The following RBM19 variants were observed in gnomAD, a reference collection of about 807,000 sequenced individuals.
RBM19 encodes the protein probable RNA-binding protein 19.
Under a neutral mutation model 116.8 loss-of-function variants are expected in RBM19, and 94 were observed. That is an observed-to-expected ratio of 0.80 (90% CI 0.68 to 0.95). The LOEUF (loss-of-function observed/expected upper bound fraction) is 0.95. RBM19 is among the 40% of genes least tolerant of loss of function. The probability of loss-of-function intolerance (pLI) is 0.00; values close to 1 mark genes in which losing one functional copy is unlikely to be tolerated. For synonymous variants in RBM19, 475 were observed against 494.1 expected, an observed-to-expected ratio of 0.96 and a Z score of 0.51; for missense variants, 1,161 against 1,220.7, an observed-to-expected ratio of 0.95 and a Z score of 0.73.
chr12:113,849,534 T>C (rs1037983145), intron 22 of RBM19, among the ~76,000 whole-genome samples: 18 of 152,138 alleles, frequency 1.2e-4, no homozygotes, highest in African/African-American at 4.1e-4. Flanking sequence ...TCCAGACGAG[T>C]GGGACATTTG....
At chr12:113,902,355 A>T (rs1881750497) in intron 21 of RBM19, among the ~76,000 whole-genome samples, 1 of 152,068 alleles carries the variant, frequency 6.6e-6, no homozygotes, top group Non-Finnish European at 1.5e-5. Context: ...TAATCCCAGC[A>T]CTTTGGGAGG....
chr12:113,944,015 C>T (rs890870924), intron 13 of RBM19, among the ~76,000 whole-genome samples: 1 of 151,006 alleles, frequency 6.6e-6, no homozygotes, highest in Non-Finnish European at 1.5e-5. Flanking sequence ...AAGGAGCTTA[C>T]GAGCCAAATC....
In RBM19 at chr12:113,878,846, G is replaced by C. The variant is rs556689009; in HGVS notation, c.2559-19950C>G. ...GAATTGAAAAAAAAAAAAAAAAAGGGGGGGGTGGTGAGAGGGTGAGATTGG... is the reference window on the plus strand; with the variant it reads ...GAATTGAAAAAAAAAAAAAAAAAGGCGGGGGTGGTGAGAGGGTGAGATTGG... On this transcript the variant is annotated intron_variant, in intron 21 of 23. Transcript: ENST00000261741. 2.9e-4 allele frequency among the ~76,000 whole-genome samples: 44 copies of C among 151,432 alleles called. 1 individual carries two copies. Among genetic ancestry groups the C allele is most frequent in the Non-Finnish European group, 5.9e-5 (4 of 67,768 alleles).
At chr12:113,839,332 C>A (rs1457718151) in intron 23 of RBM19, among the ~76,000 whole-genome samples, 1 of 152,226 alleles carries the variant, frequency 6.6e-6, no homozygotes, top group Non-Finnish European at 1.5e-5. Context: ...CTGTGGGCAC[C>A]TCCTGTGTCC....
intron 21 of RBM19, among the ~76,000 whole-genome samples, chr12:113,908,395 A>G (rs1177544078): frequency 6.6e-6 from 1 of 151,836 alleles, no homozygotes; most frequent in Non-Finnish European, 1.5e-5. Context: ...GGCCACTGCA[A>G]GAGGAAATGA....
intron 7 of RBM19, 34 bp downstream of exon 7, chr12:113,955,097 A>G: frequency 6.2e-7 from 1 of 1,606,292 alleles, no homozygotes; most frequent in South Asian, 1.1e-5. Context: ...CTGCTCCCGC[A>G]GGCTGCCGAC....
rs1367008971 is a variant in RBM19 at position 113,946,417 on chromosome 12, C to T, written c.1466G>A (p.Ser489Asn). ...TIKKEASEDASALGSSSYKKK... is the reference protein window; with the variant it reads ...TIKKEASEDANALGSSSYKKK... ...CTTGTAGGACGACGATCCCAGGGCA[C>T]TGGCATCCTCGCTGGCTTCCTTCTT... is the stretch of plus-strand genomic sequence containing the variant. Residue 489 changes from serine (S) to asparagine (N), a missense_variant, in exon 12 of 24, where the codon AGT becomes AAT. Coordinates refer to ENST00000261741, the MANE Select transcript of RBM19 (RefSeq NM_016196.4). 2 of 1,614,158 alleles carry T rather than the reference C, an allele frequency of 1.2e-6. No individual in the cohort carries two copies. The highest frequency in any genetic ancestry group is 2.2e-5 in the East Asian group (1 of 44,864).
intron 21 of RBM19, among the ~76,000 whole-genome samples, chr12:113,879,376 T>G (rs1232137415): frequency 6.6e-6 from 1 of 150,842 alleles, no homozygotes; most frequent in South Asian, 2.1e-4. Context: ...CAAATTAAGA[T>G]AGACATTTAG....
chr12:113,908,948 C>T (rs79224424), intron 21 of RBM19, among the ~76,000 whole-genome samples: 3,074 of 152,268 alleles, frequency 0.02, 46 homozygotes, highest in Non-Finnish European at 0.031. Flanking sequence ...AGCTTATATT[C>T]GGGGGTTGGG....
At chr12:113,838,215 C>T (rs535033446) in intron 23 of RBM19, among the ~76,000 whole-genome samples, 1 of 152,394 alleles carries the variant, frequency 6.6e-6, no homozygotes, top group East Asian at 1.9e-4. Context: ...ACCACTGAGA[C>T]TTGCCAATTC....
At position 113,837,546 on chromosome 12, in the gene RBM19, G is replaced by A. The variant is rs12312023; in HGVS notation, c.2785+7122C>T. On this transcript the variant is annotated intron_variant, in intron 23 of 23. Coordinates refer to ENST00000261741, the MANE Select transcript of RBM19 (RefSeq NM_016196.4). ...CTTGGAGCCCCACCGTTTCCCTAAC[G>A]AGGTGGGCGCTGTGGCCCCATCGTA... Among the ~76,000 whole-genome samples the A allele has an allele frequency of 2.5e-3, 379 of 152,356 alleles. 3 individuals carry two copies. Among genetic ancestry groups the A allele is most frequent in the African/African-American group, 7.9e-3 (328 of 41,576 alleles).
intron 21 of RBM19, among the ~76,000 whole-genome samples, chr12:113,871,940 C>T (rs1879237464): frequency 6.6e-6 from 1 of 151,776 alleles, no homozygotes; most frequent in South Asian, 2.1e-4. Context: ...CTCTGCCCGG[C>T]TGCCACCCCG....
intron 22 of RBM19, among the ~76,000 whole-genome samples, chr12:113,848,978 A>G (rs889845178): frequency 6.6e-6 from 1 of 152,180 alleles, no homozygotes; most frequent in African/African-American, 2.4e-5. Flanking sequence ...GAGAACAGAC[A>G]TTATTCTCCT....
At chr12:113,828,555 G>A (rs902753789) in intron 23 of RBM19, among the ~76,000 whole-genome samples, 1 of 152,138 alleles carries the variant, frequency 6.6e-6, no homozygotes, top group Non-Finnish European at 1.5e-5. Context: ...GGAGGTTGGG[G>A]CAGAGTGTGG....
chr12:113,966,090 C>T, intron 1 of RBM19, 102 bp downstream of exon 1: 7 of 1,462,786 alleles, frequency 4.8e-6, no homozygotes, highest in Non-Finnish European at 5.7e-6. Flanking sequence ...GGAGTCCTGC[C>T]CCAGAGCAAA....
chr12:113,959,468 G>A, intron 4 of RBM19, 64 bp from the exon 5 acceptor site: 1 of 1,513,290 alleles, frequency 6.6e-7, no homozygotes, highest in South Asian at 1.2e-5. Context: ...GGCAGAGAAG[G>A]CTCAGGTGGG....
chr12:113,958,983 T>C (rs917386072), intron 5 of RBM19, among the ~76,000 whole-genome samples: 10 of 152,248 alleles, frequency 6.6e-5, no homozygotes, highest in Admixed American at 6.5e-4. Context: ...ATGCCTGAAG[T>C]ATGCCTGGCA....
At chr12:113,959,139 G>A in intron 5 of RBM19, 73 bp downstream of exon 5, 1 of 1,525,626 alleles carries the variant, frequency 6.6e-7, no homozygotes, top group East Asian at 2.3e-5. Flanking sequence ...GCACAGAGGG[G>A]CCCCCAGTGC....
intron 21 of RBM19, among the ~76,000 whole-genome samples, chr12:113,884,798 C>T (rs1159426727): frequency 6.6e-6 from 1 of 152,098 alleles, no homozygotes; most frequent in East Asian, 1.9e-4. Flanking sequence ...ATTGAAAGGA[C>T]ACAATCTACC....
Sources: gnomAD v4.1 joint callset for allele counts (sites outside exome capture counted in the v4.1 genomes callset) on GRCh38, gnomAD v4.1.1 for gene constraint, MANE v1.5 for transcripts, NCBI Gene and HGNC (gene_info 2026-07-23, HGNC 2026-07-21) for gene names.